Variants in RYR3 observed in about 807,000 individuals in gnomAD.
RYR3 encodes ryanodine receptor 3, also known as brain ryanodine receptor-calcium release channel.
In RYR3, 207 loss-of-function variants were observed where a neutral mutation model predicts 584.3. The ratio of observed to expected loss-of-function variants is 0.35; its 90% CI spans 0.32 to 0.40. The LOEUF is 0.40. Among genes scored for constraint, RYR3 ranks in the 10% least tolerant of loss-of-function variants. The probability of loss-of-function intolerance (pLI) is 1.00; values close to 1 mark genes in which losing one functional copy is unlikely to be tolerated. For synonymous variants in RYR3, 2,416 were observed against 2,248.5 expected (o/e 1.07, Z -2.11); for missense variants, 5,616 against 6,089.2 (o/e 0.92, Z 2.59).
At chr15:33,372,593 C>T (rs1293616441) in intron 1 of RYR3, among the ~76,000 whole-genome samples, 1 of 152,000 alleles carries the variant, frequency 6.6e-6, no homozygotes, top group South Asian at 2.1e-4. Context: ...TCTCAGTCTC[C>T]TGACCTTGTG....
At chr15:33,432,969 T>C (rs746330596) in intron 1 of RYR3, among the ~76,000 whole-genome samples, 2 of 151,714 alleles carry the variant, frequency 1.3e-5, no homozygotes, top group Non-Finnish European at 2.9e-5. Flanking sequence ...ATAATGTCCA[T>C]TGTGTGGGCT....
chr15:33,672,498 G>T (rs2063906921), intron 38 of RYR3, among the ~76,000 whole-genome samples: 1 of 152,290 alleles, frequency 6.6e-6, no homozygotes, highest in African/African-American at 2.4e-5. Context: ...AATGGTTGAG[G>T]TGATCAGGCA....
intron 1 of RYR3, among the ~76,000 whole-genome samples, chr15:33,326,055 CG>C (rs1239742355): frequency 1.3e-5 from 2 of 152,226 alleles, no homozygotes; most frequent in East Asian, 3.9e-4. Context: ...CTGCTCACCT[CG>C]GCCTCCCAAA....
Position 33,756,342 on chromosome 15 carries a change from C to T in RYR3, c.8552C>T (p.Pro2851Leu), listed in dbSNP as rs781561078. Residue 2851 changes from proline (P) to leucine (L), a missense_variant, in exon 59 of 104, where the codon CCC (proline) becomes CTC (leucine). Around this residue, in one of 9 missense-constraint regions of RYR3, gnomAD observed 1,280 missense variants for 1,426.2 expected, o/e 0.90. Coordinates refer to ENST00000634891, the MANE Select transcript of RYR3 (RefSeq NM_001036.6). ...IVSSGKTEKS[P>L]RDQEIKFFAK... Reference sequence around the variant, plus strand: ...AGCAGTGGGAAAACTGAAAAGTCTCCCCGTGACCAGGAGATCAAATTCTTT... The same window carrying T: ...AGCAGTGGGAAAACTGAAAAGTCTCTCCGTGACCAGGAGATCAAATTCTTT... The T allele has an allele frequency of 7.0e-6, 11 of 1,580,542 alleles. No homozygotes were observed. The East Asian group carries it at 1.1e-4, about 17-fold the overall frequency.
chr15:33,660,329 G>A lies in RYR3; in HGVS notation c.4528G>A (p.Val1510Met). ...WSRMPNSFLK[V>M]ETERVSERHG... ...CCGCATGCCCAACAGCTTCCTGAAG[G>A]TGGAGACCGAGCGTGTGAGCGAGCG... is the stretch of plus-strand genomic sequence containing the variant. Residue 1510 changes from valine (V) to methionine (M), a missense_variant, in exon 34 of 104, where the codon GTG (valine) becomes ATG (methionine). Transcript: ENST00000634891. 1 of 1,591,324 alleles carries A rather than the reference G, an allele frequency of 6.3e-7. No individual in the cohort carries two copies. Among genetic ancestry groups the A allele is most frequent in the Admixed American group, 1.8e-5 (1 of 56,754 alleles).
intron 69 of RYR3, among the ~76,000 whole-genome samples, chr15:33,806,491 GAAA>G: frequency 7.4e-6 from 1 of 135,708 alleles, no homozygotes; most frequent in South Asian, 2.4e-4. Context: ...TGTCTCTTAA[GAAA>G]AAAAAAAAGG....
At chr15:33,655,005 G>A (rs555399282) in intron 32 of RYR3, among the ~76,000 whole-genome samples, 1 of 152,318 alleles carries the variant, frequency 6.6e-6, no homozygotes, top group African/African-American at 2.4e-5. Context: ...CTTCCTGGGG[G>A]CGGGGAGCAG....
intron 60 of RYR3, among the ~76,000 whole-genome samples, chr15:33,766,595 T>G (rs1289451153): frequency 6.6e-6 from 1 of 152,202 alleles, no homozygotes; most frequent in African/African-American, 2.4e-5. Flanking sequence ...AATGTAACAT[T>G]TGTTCAACCA....
chr15:33,521,064 A>C (rs1167694116), intron 3 of RYR3, among the ~76,000 whole-genome samples: 1 of 152,068 alleles, frequency 6.6e-6, no homozygotes, highest in African/African-American at 2.4e-5. Flanking sequence ...TCAGTTGCAC[A>C]TTTGGAGTTT....
At chr15:33,391,612 C>T (rs946234052) in intron 1 of RYR3, among the ~76,000 whole-genome samples, 4 of 136,504 alleles carry the variant, frequency 2.9e-5, no homozygotes, top group African/African-American at 2.8e-5. Flanking sequence ...GGCGACAGAG[C>T]GAGACTCTGT....
chr15:33,359,510 A>G (rs1484901962), intron 1 of RYR3, among the ~76,000 whole-genome samples: 2 of 152,182 alleles, frequency 1.3e-5, no homozygotes, highest in Non-Finnish European at 2.9e-5. Context: ...AGATAGCCCC[A>G]TGGCTCACAT....
At chr15:33,538,913 A>G (rs2055564968) in intron 5 of RYR3, among the ~76,000 whole-genome samples, 1 of 152,030 alleles carries the variant, frequency 6.6e-6, no homozygotes, top group Admixed American at 6.6e-5. Context: ...CCTTTAAAAA[A>G]GCTTCCCTTA....
intron 18 of RYR3, among the ~76,000 whole-genome samples, chr15:33,609,144 C>G (rs1457882184): frequency 1.3e-5 from 2 of 152,204 alleles, no homozygotes; most frequent in African/African-American, 4.8e-5. Flanking sequence ...TTGTATGATT[C>G]TTAGAACATT....
intron 86 of RYR3, among the ~76,000 whole-genome samples, chr15:33,834,242 C>G (rs2077875856): frequency 6.6e-6 from 1 of 151,462 alleles, no homozygotes; most frequent in Non-Finnish European, 1.5e-5. Flanking sequence ...CGAGATCATG[C>G]CACTGCACTC....
At chr15:33,669,855 G>T (rs2063722957) in intron 37 of RYR3, among the ~76,000 whole-genome samples, 1 of 51,670 alleles carries the variant, frequency 1.9e-5, no homozygotes, top group Admixed American at 2.6e-4. Context: ...GGGGGGGGGG[G>T]GGGTGTGGGT....
chr15:33,799,182 A>G (rs1209106822), intron 67 of RYR3, among the ~76,000 whole-genome samples: 4 of 152,312 alleles, frequency 2.6e-5, no homozygotes, highest in African/African-American at 9.6e-5. Flanking sequence ...TTCCTGAGGG[A>G]AAGGGATGAA....
chr15:33,815,329 C>T (rs1177631871), intron 74 of RYR3: 2 of 152,310 alleles, frequency 1.3e-5, no homozygotes, highest in South Asian at 2.1e-4. Flanking sequence ...GTCGAAACAT[C>T]AGAAAGTGTT....
intron 1 of RYR3, among the ~76,000 whole-genome samples, chr15:33,469,006 C>A (rs914319491): frequency 2.0e-5 from 3 of 152,164 alleles, no homozygotes; most frequent in African/African-American, 4.8e-5. Context: ...TAAATGGGTT[C>A]TTGTGCGTAA....
intron 1 of RYR3, among the ~76,000 whole-genome samples, chr15:33,460,887 C>A (rs903405000): frequency 6.7e-6 from 1 of 149,918 alleles, no homozygotes; most frequent in Non-Finnish European, 1.5e-5. Flanking sequence ...ATAGGAACAG[C>A]CCCACTGTAT....
Sources: gnomAD v4.1 joint callset for allele counts (sites outside exome capture counted in the v4.1 genomes callset) on GRCh38, gnomAD v4.1.1 for gene constraint, gnomAD v4.1.1 regional missense constraint, MANE v1.5 for transcripts, NCBI Gene and HGNC (gene_info 2026-07-23, HGNC 2026-07-21) for gene names.